The following EFCAB8 variants were observed in gnomAD, a reference collection of about 807,000 sequenced individuals.
The protein encoded by EFCAB8 is EF-hand calcium-binding domain-containing protein 8.
In EFCAB8, 100 loss-of-function variants were observed where a neutral mutation model predicts 116.3. The ratio of observed to expected loss-of-function variants is 0.86; its 90% CI spans 0.73 to 1.02. The LOEUF (loss-of-function observed/expected upper bound fraction) is 1.02. Among genes scored for constraint, EFCAB8 ranks in the 50% least tolerant of loss-of-function variants. The pLI, the probability that EFCAB8 is intolerant of heterozygous loss-of-function variation, is 0.00. For missense variants in EFCAB8, 1,320 were observed against 1,416.9 expected (o/e 0.93, Z 1.10); for synonymous variants, 558 against 567.9 (o/e 0.98, Z 0.25).
In EFCAB8 at chr20:32,911,510, AGT is replaced by A. The variant is rs903609343; in HGVS notation, c.1594_1595del (p.Trp532GlyfsTer28). ...GAGTGGCTGCCTGCGCGGCACAGTG[AGT>A]GTGTGGGAGGTCGTGACGGGCAGGA... ...VVSGCLRGTV[S>X]VWEVVTGRKT... On this transcript the variant is annotated frameshift_variant, in exon 16 of 27. Coordinates refer to ENST00000400522, the MANE Select transcript of EFCAB8 (RefSeq NM_001143967.2). LOFTEE classifies it high-confidence loss of function. 13 of 1,501,058 alleles carry A rather than the reference AGT, an allele frequency of 8.7e-6. No individual in the cohort carries two copies. In the African/African-American group the frequency reaches 1.5e-4, roughly 18 times the overall value. 93.0% of individuals were successfully genotyped at this position (1,501,058 alleles called of 1,614,324 possible). A position where few individuals can be genotyped will look rare whatever the true frequency, so the allele number is the denominator to read the frequency against.
At chr20:32,918,257 C>T in intron 18 of EFCAB8, 105 bp from the exon 19 acceptor site, 1 of 1,186,162 alleles carries the variant, frequency 8.4e-7, no homozygotes, top group Non-Finnish European at 1.2e-6. Flanking sequence ...GAAGCAAGCC[C>T]TGGGGGGCTG....
chr20:32,894,317 G>C (rs1377754996), intron 9 of EFCAB8, among the ~76,000 whole-genome samples: 1 of 152,200 alleles, frequency 6.6e-6, no homozygotes, highest in Non-Finnish European at 1.5e-5. Context: ...GTCCCCTGCT[G>C]GCAGAGCAGG....
chr20:32,932,693 C>CT (rs1987953050), intron 22 of EFCAB8, among the ~76,000 whole-genome samples: 1 of 152,198 alleles, frequency 6.6e-6, no homozygotes, highest in Non-Finnish European at 1.5e-5. Context: ...CATAGCAGCA[C>CT]TATCCCATTT....
At position 32,939,111 on chromosome 20, in the gene EFCAB8, TTC is replaced by T. The variant is rs745413936; in HGVS notation, c.2791-4519_2791-4518del. Among the ~76,000 whole-genome samples the T allele has an allele frequency of 2.8e-3, 388 of 137,076 alleles. 17 individuals carry two copies. Among genetic ancestry groups the T allele is most frequent in the African/African-American group, 0.01 (372 of 36,512 alleles). The allele number at this position is 137,076 out of a possible 152,430, so 89.9% of individuals were successfully genotyped here. A position where few individuals can be genotyped will look rare whatever the true frequency, so the allele number is the denominator to read the frequency against. On this transcript the variant is annotated intron_variant, in intron 22 of 26. Coordinates refer to ENST00000400522, the MANE Select transcript of EFCAB8 (RefSeq NM_001143967.2). The stretch of plus-strand genomic sequence containing the variant: ...TTTTTCTTTTCCTTCCTTCCTTTCT[TTC>T]TCTCTTTCTTTCTCTTTCTTTCTTT...
At chr20:32,888,217 C>T (rs1985733750) in intron 6 of EFCAB8, among the ~76,000 whole-genome samples, 1 of 151,880 alleles carries the variant, frequency 6.6e-6, no homozygotes, top group Non-Finnish European at 1.5e-5. Flanking sequence ...GCATGCACCA[C>T]CGTGTCCAGC....
intron 8 of EFCAB8, 98 bp downstream of exon 8, chr20:32,892,395 C>A (rs1985963997): frequency 9.3e-7 from 1 of 1,079,154 alleles, no homozygotes; most frequent in Non-Finnish European, 1.4e-6. Flanking sequence ...AGAAAGCCTC[C>A]TTGGAAAGAT....
chr20:32,961,060 T>G, intron 26 of EFCAB8, 76 bp from the exon 27 acceptor site: 18 of 1,324,394 alleles, frequency 1.4e-5, no homozygotes, highest in Non-Finnish European at 1.9e-5. Flanking sequence ...CTCCTTCCTG[T>G]GAGTCTACTC....
chr20:32,861,023 C>T (rs569259170), intron 1 of EFCAB8, among the ~76,000 whole-genome samples: 6 of 152,028 alleles, frequency 3.9e-5, no homozygotes, highest in African/African-American at 9.7e-5. Context: ...AGGTATGAGC[C>T]ACTGTGCCTG....
intron 19 of EFCAB8, among the ~76,000 whole-genome samples, chr20:32,918,916 G>T (rs148025581): frequency 6.6e-6 from 1 of 152,320 alleles, no homozygotes; most frequent in East Asian, 1.9e-4. Flanking sequence ...TCAAGGGCAA[G>T]TCACCTGACC....
At chr20:32,938,588 AG>A (rs1214345082) in intron 22 of EFCAB8, among the ~76,000 whole-genome samples, 1 of 149,934 alleles carries the variant, frequency 6.7e-6, no homozygotes, top group Non-Finnish European at 1.5e-5. Flanking sequence ...TAAATTCAAT[AG>A]GGTTGCTTGA....
intron 5 of EFCAB8, among the ~76,000 whole-genome samples, chr20:32,883,182 G>A (rs1216311479): frequency 6.6e-6 from 1 of 152,096 alleles, no homozygotes; most frequent in Non-Finnish European, 1.5e-5. Flanking sequence ...CCCCATTAGA[G>A]CATTTCTCTG....
chr20:32,945,146 GTTATTT>G (rs1176277920), intron 23 of EFCAB8, among the ~76,000 whole-genome samples: 1 of 151,628 alleles, frequency 6.6e-6, no homozygotes, highest in African/African-American at 2.4e-5. Context: ...TAGAATTTCT[GTTATTT>G]TTATTATTAT....
intron 20 of EFCAB8, among the ~76,000 whole-genome samples, chr20:32,922,293 G>A (rs1987493838): frequency 6.6e-6 from 1 of 152,208 alleles, no homozygotes; most frequent in Admixed American, 6.5e-5. Flanking sequence ...GCACTAGTGT[G>A]AGTATATTGA....
At position 32,897,409 on chromosome 20, in the gene EFCAB8, G is replaced by A. The variant is rs889230786; in HGVS notation, c.957+882G>A. ...AATGAATGAATGACGCACTCAGGGC[G>A]GTCTGGGTGATCCAACAGGCCTGCA... On this transcript the variant is annotated intron_variant, in intron 10 of 26. Coordinates refer to ENST00000400522, the MANE Select transcript of EFCAB8 (RefSeq NM_001143967.2). Among the ~76,000 whole-genome samples, 34 of 151,794 alleles carry A rather than the reference G, an allele frequency of 2.2e-4. 1 individual carries two copies. Among genetic ancestry groups the A allele is most frequent in the African/African-American group, 6.8e-4 (28 of 41,412 alleles).
At chr20:32,879,968 C>G (rs990620308) in intron 5 of EFCAB8, among the ~76,000 whole-genome samples, 3 of 152,166 alleles carry the variant, frequency 2.0e-5, no homozygotes, top group African/African-American at 7.2e-5. Context: ...GCATGAGGAG[C>G]ATTGCAGGGG....
intron 3 of EFCAB8, among the ~76,000 whole-genome samples, chr20:32,874,022 G>C (rs536801234): frequency 6.6e-6 from 1 of 151,948 alleles, no homozygotes; most frequent in South Asian, 2.1e-4. Flanking sequence ...TCAGGCTCAA[G>C]CAATCCTCCC....
At chr20:32,941,020 G>A (rs1038717600) in intron 22 of EFCAB8, among the ~76,000 whole-genome samples, 5 of 149,578 alleles carry the variant, frequency 3.3e-5, no homozygotes, top group South Asian at 2.1e-4. Flanking sequence ...TTGGGAGGCT[G>A]AGGTGGGCGG....
chr20:32,930,670 C>T (rs1987871399), intron 21 of EFCAB8, 54 bp downstream of exon 21: 1 of 1,509,180 alleles, frequency 6.6e-7, no homozygotes, highest in African/African-American at 1.4e-5. Flanking sequence ...AAGTGTTCGG[C>T]CATCTCTTTG....
At chr20:32,873,214 G>A (rs908969814) in intron 3 of EFCAB8, among the ~76,000 whole-genome samples, 3 of 152,012 alleles carry the variant, frequency 2.0e-5, no homozygotes, top group Admixed American at 1.3e-4. Context: ...GGGCAATGGC[G>A]GGGGTGGCCT....
Sources: allele counts gnomAD v4.1 joint callset (sites outside exome capture counted in the v4.1 genomes callset), GRCh38; gene constraint gnomAD v4.1.1; transcripts MANE v1.5; gene names NCBI Gene and HGNC (gene_info 2026-07-23, HGNC 2026-07-21).